Variants in PDE1C observed in about 807,000 individuals in gnomAD.
PDE1C encodes dual specificity calcium/calmodulin-dependent 3',5'-cyclic nucleotide phosphodiesterase 1C.
PDE1C carries 62 observed loss-of-function variants against 93.1 expected under a neutral mutation model. The ratio of observed to expected loss-of-function variants is 0.67; its 90% CI spans 0.54 to 0.82. The LOEUF (loss-of-function observed/expected upper bound fraction) is 0.82, where lower values mean the gene tolerates loss of function less well. PDE1C is among the 40% of genes least tolerant of loss of function. The pLI is 0.00. For synonymous variants in PDE1C, 325 were observed against 310.1 expected, an observed-to-expected ratio of 1.05 and a Z score of -0.50; for missense variants, 742 against 884.6, an observed-to-expected ratio of 0.84 and a Z score of 2.04.
chr7:32,038,422 G>A (rs1331629154), intron 2 of PDE1C, among the ~76,000 whole-genome samples: 1 of 152,116 alleles, frequency 6.6e-6, no homozygotes, highest in Non-Finnish European at 1.5e-5. Flanking sequence ...AATTTTTATT[G>A]GGAGGGCAGG....
the PDE1C span, among the ~76,000 whole-genome samples, chr7:31,731,361 G>C: frequency 1.6e-5 from 2 of 123,998 alleles, no homozygotes; most frequent in African/African-American, 5.1e-5. Context: ...ATATCATTAA[G>C]TACAACATTG....
At chr7:31,849,024 A>G (rs1383745897) in intron 8 of PDE1C, among the ~76,000 whole-genome samples, 2 of 152,226 alleles carry the variant, frequency 1.3e-5, no homozygotes, top group African/African-American at 4.8e-5. Flanking sequence ...GTTCTGTTGA[A>G]CAGGGCCAAT....
At chr7:31,763,284 T>C (rs1181097780) in intron 17 of PDE1C, among the ~76,000 whole-genome samples, 1 of 152,176 alleles carries the variant, frequency 6.6e-6, no homozygotes, top group Non-Finnish European at 1.5e-5. Context: ...TTAGCAAACT[T>C]AACCCATGGT....
intron 3 of PDE1C, among the ~76,000 whole-genome samples, chr7:32,119,670 A>C (rs770913074): frequency 4.0e-5 from 6 of 151,658 alleles, no homozygotes; most frequent in African/African-American, 1.5e-4. Flanking sequence ...GCAGCAGCCC[A>C]CCTGAGAGCC....
chr7:31,876,280 G>A (rs1796577723), intron 5 of PDE1C, among the ~76,000 whole-genome samples: 1 of 152,174 alleles, frequency 6.6e-6, no homozygotes, highest in African/African-American at 2.4e-5. Flanking sequence ...TATATGTGAG[G>A]AGAAGTAGCA....
intron 1 of PDE1C, among the ~76,000 whole-genome samples, chr7:32,396,195 G>T (rs148760335): frequency 1.3e-3 from 205 of 152,278 alleles, no homozygotes; most frequent in African/African-American, 4.5e-3. Flanking sequence ...AAATGGATAT[G>T]TAGCCAGGTG....
At chr7:31,639,093 T>C in the PDE1C span, among the ~76,000 whole-genome samples, 1 of 152,132 alleles carries the variant, frequency 6.6e-6, no homozygotes, top group South Asian at 2.1e-4. Flanking sequence ...TTGATTTTCA[T>C]GTGCCTTGGT....
At chr7:31,835,128 C>A (rs568398206) in intron 11 of PDE1C, among the ~76,000 whole-genome samples, 6 of 152,268 alleles carry the variant, frequency 3.9e-5, no homozygotes, top group Non-Finnish European at 7.4e-5. Context: ...GACTGTGAGG[C>A]CTCCCCAGCT....
chr7:31,708,669 G>GA, the PDE1C span, among the ~76,000 whole-genome samples: 2 of 152,146 alleles, frequency 1.3e-5, no homozygotes, highest in Admixed American at 1.3e-4. Context: ...GATTCTCTTC[G>GA]AAAAATATCT....
intron 3 of PDE1C, among the ~76,000 whole-genome samples, chr7:32,152,038 C>T (rs1174789469): frequency 2.0e-5 from 3 of 152,198 alleles, no homozygotes; most frequent in Admixed American, 2.0e-4. Context: ...CTATTTCTCT[C>T]ACCATATTCT....
At chr7:32,235,907 A>G (rs1018292991) in intron 1 of PDE1C, among the ~76,000 whole-genome samples, 1 of 152,172 alleles carries the variant, frequency 6.6e-6, no homozygotes, top group Non-Finnish European at 1.5e-5. Flanking sequence ...CTTAAGCTAC[A>G]GTAATCAAGA....
In PDE1C at chr7:31,823,243, T is replaced by C. The variant is rs1789211027; in HGVS notation, c.1412A>G (p.Asn471Ser). The change falls in exon 14 of 18, where the codon AAT becomes AGT. Residue 471 changes from asparagine to serine, a missense_variant. Asn to Ser is a conservative substitution (Grantham distance 46). Transcript: ENST00000396191. Reference protein sequence around the residue: ...GGTGQRRSSLNSISSSDAKRS... With the variant: ...GGTGQRRSSLSSISSSDAKRS... The stretch of plus-strand genomic sequence containing the variant: ...CTTGGCATCTGACGAGCTGATGCTA[T>C]TCAAACTGGAAAACAAAAAAATCAT... 5 of 1,602,006 alleles carry C rather than the reference T, an allele frequency of 3.1e-6. No individual in the cohort carries two copies. The highest frequency in any genetic ancestry group is 1.4e-5 in the African/African-American group (1 of 74,018).
At chr7:31,961,845 T>C (rs140517477) in intron 2 of PDE1C, among the ~76,000 whole-genome samples, 34 of 152,356 alleles carry the variant, frequency 2.2e-4, no homozygotes, top group African/African-American at 8.2e-4. Flanking sequence ...CCATTTTCTT[T>C]ATGTCCTTAT....
At chr7:31,736,490 C>G in the PDE1C span, among the ~76,000 whole-genome samples, 18 of 152,284 alleles carry the variant, frequency 1.2e-4, no homozygotes, top group Middle Eastern at 3.4e-3. Flanking sequence ...TTGAGTGGAA[C>G]GTACCAAGCC....
At chr7:31,834,095 T>C (rs932100693) in intron 11 of PDE1C, among the ~76,000 whole-genome samples, 1 of 152,262 alleles carries the variant, frequency 6.6e-6, no homozygotes, top group Non-Finnish European at 1.5e-5. Flanking sequence ...GCCTTGGAGA[T>C]TTCTGCATGG....
At chr7:32,239,557 A>G (rs1468388987) in intron 1 of PDE1C, among the ~76,000 whole-genome samples, 1 of 152,270 alleles carries the variant, frequency 6.6e-6, no homozygotes, top group East Asian at 1.9e-4. Flanking sequence ...AAGTAGATAA[A>G]CAGGCAACTC....
At chr7:31,892,051 G>T (rs2128901430) in intron 2 of PDE1C, among the ~76,000 whole-genome samples, 1 of 152,244 alleles carries the variant, frequency 6.6e-6, no homozygotes, top group Non-Finnish European at 1.5e-5. Context: ...TAAAAAGTGG[G>T]ACACAGTTAT....
chr7:31,926,522 C>T (rs534186416), intron 2 of PDE1C, among the ~76,000 whole-genome samples: 21 of 152,316 alleles, frequency 1.4e-4, no homozygotes, highest in African/African-American at 5.1e-4. Flanking sequence ...GGAACAGCTC[C>T]GGTCTGCAGC....
rs1464107741 is a variant in PDE1C at position 31,928,382 on chromosome 7, TC to T, written c.129-47523del. On this transcript the variant is annotated intron_variant, in intron 2 of 17. Transcript: ENST00000396191. ...CTTTAGGATGTTATCCAGGAGAATT[TC>T]CCCAACCTAGCAAGACAGCCAAACA... is the stretch of plus-strand genomic sequence containing the variant. Among the ~76,000 whole-genome samples the T allele has an allele frequency of 2.0e-5, 3 of 152,028 alleles. No individual in the cohort carries two copies. The East Asian group carries it at 5.8e-4, about 29-fold the overall frequency.
Sources: allele counts gnomAD v4.1 joint callset (sites outside exome capture counted in the v4.1 genomes callset), GRCh38; gene constraint gnomAD v4.1.1; transcripts MANE v1.5; gene names NCBI Gene and HGNC (gene_info 2026-07-23, HGNC 2026-07-21).